Variants in KANSL1 observed in about 807,000 individuals in gnomAD.
The protein encoded by KANSL1 is KAT8 regulatory NSL complex subunit 1.
KANSL1 carries 22 observed loss-of-function variants against 103.6 expected under a neutral mutation model. The observed-to-expected ratio is 0.21, with a 90% CI of 0.15 to 0.30. KANSL1 has a LOEUF of 0.30. Among genes scored for constraint, KANSL1 ranks in the 10% least tolerant of loss-of-function variants. The probability of loss-of-function intolerance (pLI) is 1.00; values close to 1 mark genes in which losing one functional copy is unlikely to be tolerated. For synonymous variants in KANSL1, 600 were observed against 527.6 expected (o/e 1.14, Z -1.88); for missense variants, 1,337 against 1,399.8 (o/e 0.96, Z 0.72).
intron 2 of KANSL1, among the ~76,000 whole-genome samples, chr17:46,163,434 C>T (rs1307911497): frequency 2.0e-5 from 3 of 152,218 alleles, no homozygotes; most frequent in African/African-American, 7.2e-5. Flanking sequence ...ACAATCATAG[C>T]TTACCCAAGC....
chr17:46,067,357 T>C (rs1323193691), intron 5 of KANSL1, among the ~76,000 whole-genome samples, 192 bp downstream of exon 5: 1 of 152,212 alleles, frequency 6.6e-6, no homozygotes, highest in South Asian at 2.1e-4. Flanking sequence ...CACTCCATTT[T>C]AGTAGGTAAA....
In KANSL1 at chr17:46,034,541, C is replaced by T. The variant is rs200467313; in HGVS notation, c.2542-256G>A. 38 of 400,658 alleles carry T rather than the reference C, an allele frequency of 9.5e-5. No homozygotes were observed. The East Asian group carries it at 1.7e-3, about 18-fold the overall frequency. The allele number at this position is 400,658 out of a possible 1,614,324, so 24.8% of individuals were successfully genotyped here. ...TGGTCACCCTCTTCCTTCAAGGGCT[C>T]ATGCGTAAATTTCATAGGGGTGGGT... On this transcript the variant is annotated intron_variant, in intron 10 of 14. Transcript: ENST00000432791.
intron 2 of KANSL1, among the ~76,000 whole-genome samples, chr17:46,124,359 T>C (rs1278212858): frequency 6.6e-6 from 1 of 152,248 alleles, no homozygotes; most frequent in Non-Finnish European, 1.5e-5. Flanking sequence ...AAGTCCACCA[T>C]TGAGACCTCA....
chr17:46,166,040 C>A (rs1274642192), intron 2 of KANSL1, among the ~76,000 whole-genome samples: 1 of 149,096 alleles, frequency 6.7e-6, no homozygotes. Context: ...GGTGAAACCC[C>A]GTCTCTACTA....
chr17:46,160,083 G>A (rs969975308), intron 2 of KANSL1, among the ~76,000 whole-genome samples: 14 of 152,148 alleles, frequency 9.2e-5, no homozygotes, highest in Non-Finnish European at 1.6e-4. Context: ...ATGACCACAA[G>A]CAAATTATTT....
At chr17:46,032,473 C>G (rs2077038655) in intron 13 of KANSL1, 174 bp from the exon 14 acceptor site, 1 of 517,146 alleles carries the variant, frequency 1.9e-6, no homozygotes, top group African/African-American at 1.9e-5. Context: ...GGTAGGTATA[C>G]AACATTTACC....
chr17:46,221,190 A>G (rs1236637664), intron 1 of KANSL1: 2 of 152,018 alleles, frequency 1.3e-5, no homozygotes, highest in Non-Finnish European at 2.9e-5. Flanking sequence ...TTGCTTGTCA[A>G]GAACAGTTTT....
chr17:46,083,893 C>T (rs1289928990), intron 3 of KANSL1, among the ~76,000 whole-genome samples: 1 of 152,120 alleles, frequency 6.6e-6, no homozygotes, highest in African/African-American at 2.4e-5. Flanking sequence ...ACCAGATGAT[C>T]CATCCCTGGG....
chr17:46,085,452 T>A (rs2079129171), intron 3 of KANSL1, among the ~76,000 whole-genome samples: 1 of 152,210 alleles, frequency 6.6e-6, no homozygotes, highest in Non-Finnish European at 1.5e-5. Context: ...AGAGCATTCA[T>A]AATCTTATGC....
At chr17:46,123,784 A>G (rs1432110587) in intron 2 of KANSL1, among the ~76,000 whole-genome samples, 4 of 152,248 alleles carry the variant, frequency 2.6e-5, no homozygotes, top group African/African-American at 4.8e-5. Context: ...CAATAACCTA[A>G]AAGTGCAAGG....
intron 2 of KANSL1, among the ~76,000 whole-genome samples, chr17:46,124,118 G>C (rs918887879): frequency 2.6e-5 from 4 of 152,176 alleles, no homozygotes; most frequent in Non-Finnish European, 5.9e-5. Context: ...CACTACATCA[G>C]CCAGGTGCAG....
At chr17:46,062,106 A>AC (rs1247231070) in intron 6 of KANSL1, among the ~76,000 whole-genome samples, 31 of 59,998 alleles carry the variant, frequency 5.2e-4, no homozygotes, top group Middle Eastern at 8.5e-3. Context: ...AAAAAAAAAA[A>AC]AAACAAACAA....
intron 2 of KANSL1, among the ~76,000 whole-genome samples, chr17:46,136,095 C>T (rs1316574814): frequency 6.6e-6 from 1 of 152,166 alleles, no homozygotes; most frequent in African/African-American, 2.4e-5. Flanking sequence ...GGCTGAACAG[C>T]TGTTAACCAC....
intron 1 of KANSL1, among the ~76,000 whole-genome samples, chr17:46,209,416 A>G (rs1461922379): frequency 6.6e-6 from 1 of 152,248 alleles, no homozygotes; most frequent in Admixed American, 6.5e-5. Flanking sequence ...CAAATGCATC[A>G]TTAAATATAC....
chr17:46,063,972 A>G (rs1167547077), intron 6 of KANSL1, among the ~76,000 whole-genome samples: 1 of 148,274 alleles, frequency 6.7e-6, no homozygotes, highest in African/African-American at 2.5e-5. Context: ...CTATTTTCCT[A>G]CACTTGACAG....
At chr17:46,158,745 T>C (rs557546160) in intron 2 of KANSL1, among the ~76,000 whole-genome samples, 6 of 152,292 alleles carry the variant, frequency 3.9e-5, no homozygotes, top group East Asian at 1.9e-4. Flanking sequence ...TTCACCATGT[T>C]GGCAAGGCTG....
At position 46,033,427 on chromosome 17, in the gene KANSL1, C is replaced by A. The variant is rs762584859; in HGVS notation, c.2700G>T (p.Gly900=). 6.2e-7 allele frequency: 1 copy of A among 1,614,168 alleles called. No homozygotes were observed. Among genetic ancestry groups the A allele is most frequent in the Non-Finnish European group, 8.5e-7 (1 of 1,180,010 alleles). The change falls in exon 12 of 15, where the codon GGG becomes GGT. Residue 900 remains glycine, a synonymous_variant. Coordinates refer to ENST00000432791, the MANE Select transcript of KANSL1 (RefSeq NM_015443.4). ...WREVDLQSLK[G]SPDEENEEIE... ...CCTCTTCATTCTCCTCATCAGGACT[C>A]CCCTTCAGAGACTGAAGATCAACCT...
At chr17:46,145,682 A>T (rs1181647675) in intron 2 of KANSL1, among the ~76,000 whole-genome samples, 2 of 152,212 alleles carry the variant, frequency 1.3e-5, no homozygotes, top group Non-Finnish European at 2.9e-5. Context: ...AAACAACAAA[A>T]CATAAGCTCT....
chr17:46,096,446 G>A (rs62061798), intron 2 of KANSL1, among the ~76,000 whole-genome samples: 21,164 of 148,908 alleles, frequency 0.14, 2,076 homozygotes, highest in Middle Eastern at 0.21. Flanking sequence ...TCAGCCTCCC[G>A]AGCAGCTGGG....
Sources: allele counts gnomAD v4.1 joint callset (sites outside exome capture counted in the v4.1 genomes callset), GRCh38; gene constraint gnomAD v4.1.1; transcripts MANE v1.5; gene names NCBI Gene and HGNC (gene_info 2026-07-23, HGNC 2026-07-21).